RAPGEF4: variants seen among roughly 807,000 people sequenced by gnomAD.
RAPGEF4 encodes the protein RAP guanine-nucleotide-exchange factor (GEF) 4.
A neutral mutation model predicts 147.9 loss-of-function variants in RAPGEF4; 66 were observed. The observed-to-expected ratio is 0.45, with a 90% CI of 0.37 to 0.55. The LOEUF is 0.55. Among genes scored for constraint, RAPGEF4 ranks in the 20% least tolerant of loss-of-function variants. The pLI is 0.00. For missense variants in RAPGEF4, 1,071 were observed against 1,257.3 expected (o/e 0.85, Z 2.24); for synonymous variants, 419 against 442.7 (o/e 0.95, Z 0.67).
intron 6 of RAPGEF4, among the ~76,000 whole-genome samples, chr2:172,941,385 C>A (rs1687134271): frequency 6.6e-6 from 1 of 152,056 alleles, no homozygotes; most frequent in African/African-American, 2.4e-5. Flanking sequence ...TTTATTTTAA[C>A]CATTTGTATA....
At chr2:172,996,652 G>A in intron 16 of RAPGEF4, 98 bp downstream of exon 16, 3 of 812,974 alleles carry the variant, frequency 3.7e-6, no homozygotes, top group South Asian at 1.7e-5. Context: ...AAAGCAGTTT[G>A]GGAAGGGGAT....
intron 29 of RAPGEF4, 184 bp from the exon 30 acceptor site, chr2:173,048,416 G>A (rs1034138567): frequency 6.7e-6 from 9 of 1,336,618 alleles, no homozygotes; most frequent in Non-Finnish European, 8.8e-6. Flanking sequence ...TTGTATGTAT[G>A]TGGGTACCCC....
At chr2:172,906,044 G>A (rs1333430005) in intron 4 of RAPGEF4, among the ~76,000 whole-genome samples, 4 of 152,118 alleles carry the variant, frequency 2.6e-5, no homozygotes, top group African/African-American at 9.7e-5. Context: ...ATGGGTTTAA[G>A]AATTCTGTAG....
chr2:172,918,597 T>G (rs1401131645), intron 5 of RAPGEF4, among the ~76,000 whole-genome samples: 1 of 152,208 alleles, frequency 6.6e-6, no homozygotes, highest in African/African-American at 2.4e-5. Context: ...TCTGTGGTAT[T>G]CTTCTCTAGT....
At chr2:172,799,650 C>G (rs189182544) in intron 3 of RAPGEF4, among the ~76,000 whole-genome samples, 1 of 151,858 alleles carries the variant, frequency 6.6e-6, no homozygotes, top group Non-Finnish European at 1.5e-5. Context: ...TCCTGCAGCT[C>G]GAGTGGTTCC....
chr2:172,857,304 A>T (rs2552996), intron 4 of RAPGEF4, among the ~76,000 whole-genome samples: 72,489 of 151,948 alleles, frequency 0.48, 17,711 homozygotes, highest in African/African-American at 0.58. Flanking sequence ...TTCCAATGGG[A>T]GCTTTTAATG....
intron 6 of RAPGEF4, among the ~76,000 whole-genome samples, chr2:172,945,453 G>A (rs1687590864): frequency 6.6e-6 from 1 of 151,790 alleles, no homozygotes; most frequent in Non-Finnish European, 1.5e-5. Flanking sequence ...GTATATTCTT[G>A]TCCTGTATTT....
At chr2:172,889,251 C>T (rs962873835) in intron 4 of RAPGEF4, among the ~76,000 whole-genome samples, 3 of 151,880 alleles carry the variant, frequency 2.0e-5, no homozygotes, top group Admixed American at 6.6e-5. Context: ...ATGACACTGT[C>T]GCCTTTCAAG....
At chr2:172,990,293 T>C (rs1352917277) in intron 14 of RAPGEF4, among the ~76,000 whole-genome samples, 4 of 152,230 alleles carry the variant, frequency 2.6e-5, no homozygotes, top group African/African-American at 9.6e-5. Flanking sequence ...ACCATTATCA[T>C]TGATGTAATT....
intron 4 of RAPGEF4, among the ~76,000 whole-genome samples, chr2:172,863,845 T>C (rs959232660): frequency 1.3e-5 from 2 of 152,214 alleles, no homozygotes; most frequent in African/African-American, 2.4e-5. Context: ...GTCAAAGTCA[T>C]GTACAATTGC....
At chr2:172,868,264 G>A (rs916022657) in intron 4 of RAPGEF4, among the ~76,000 whole-genome samples, 2 of 152,166 alleles carry the variant, frequency 1.3e-5, no homozygotes, top group Non-Finnish European at 2.9e-5. Context: ...TATCCTTAAT[G>A]ATAATACTTA....
chr2:173,017,954 A>G (rs72909444), intron 21 of RAPGEF4, among the ~76,000 whole-genome samples: 8,629 of 152,282 alleles, frequency 0.057, 336 homozygotes, highest in East Asian at 0.11. Flanking sequence ...TTGTTTGGTT[A>G]TTTAAGATTC....
At chr2:173,040,379 C>T (rs1684612745) in intron 29 of RAPGEF4, among the ~76,000 whole-genome samples, 2 of 152,164 alleles carry the variant, frequency 1.3e-5, no homozygotes, top group Non-Finnish European at 1.5e-5. Flanking sequence ...GCTGTTGTTA[C>T]TGTGGGTCTT....
At chr2:172,752,500 T>G (rs757343619) in intron 1 of RAPGEF4, among the ~76,000 whole-genome samples, 5 of 152,246 alleles carry the variant, frequency 3.3e-5, no homozygotes, top group Non-Finnish European at 7.3e-5. Flanking sequence ...GTTGTGATGT[T>G]AGGGCACCAT....
chr2:172,891,583 T>G (rs1053361029), intron 4 of RAPGEF4, among the ~76,000 whole-genome samples: 1 of 152,182 alleles, frequency 6.6e-6, no homozygotes, highest in Admixed American at 6.5e-5. Context: ...TCAAATTCAT[T>G]GACAGTGGTT....
chr2:172,829,770 A>G (rs990405988), intron 4 of RAPGEF4, among the ~76,000 whole-genome samples: 5 of 149,244 alleles, frequency 3.4e-5, no homozygotes. Context: ...TTTTAGTAAT[A>G]TAATAACTCA....
At chr2:172,996,914 T>C (rs1693424910) in intron 16 of RAPGEF4, among the ~76,000 whole-genome samples, 1 of 152,202 alleles carries the variant, frequency 6.6e-6, no homozygotes, top group South Asian at 2.1e-4. Context: ...ACATAAAAGG[T>C]ACAGCCTTGC....
At chr2:172,997,074 C>T (rs549820650) in intron 16 of RAPGEF4, among the ~76,000 whole-genome samples, 100 of 152,302 alleles carry the variant, frequency 6.6e-4, no homozygotes, top group African/African-American at 2.2e-3. Context: ...TATTGTCTTA[C>T]AGTTCTAGAG....
At chr2:173,034,805 G>A (rs1411309550) in intron 27 of RAPGEF4, among the ~76,000 whole-genome samples, 1 of 151,732 alleles carries the variant, frequency 6.6e-6, no homozygotes, top group Non-Finnish European at 1.5e-5. Context: ...GCCAGGAGGT[G>A]GCGGCTACAG....
Sources: gnomAD v4.1 joint callset for allele counts (sites outside exome capture counted in the v4.1 genomes callset) on GRCh38, gnomAD v4.1.1 for gene constraint, MANE v1.5 for transcripts, NCBI Gene and HGNC (gene_info 2026-07-23, HGNC 2026-07-21) for gene names.